The following CLCN7 variants were observed in gnomAD, a reference collection of about 807,000 sequenced individuals.
The protein encoded by CLCN7 is Cl-/H+ antiporter 7.
In CLCN7, 60 loss-of-function variants were observed where a neutral mutation model predicts 102.1. That is an observed-to-expected ratio of 0.59 (90% CI 0.48 to 0.73). The LOEUF (loss-of-function observed/expected upper bound fraction) is 0.73. Among genes scored for constraint, CLCN7 ranks in the 30% least tolerant of loss-of-function variants. CLCN7 has a pLI of 0.00. For missense variants in CLCN7, 962 were observed against 1,125.7 expected, an observed-to-expected ratio of 0.85 and a Z score of 2.08; for synonymous variants, 560 against 490.5, an observed-to-expected ratio of 1.14 and a Z score of -1.87.
At chr16:1,456,232 G>C in intron 9 of CLCN7, 26 bp from the exon 10 acceptor site, 2 of 1,543,058 alleles carry the variant, frequency 1.3e-6, no homozygotes, top group Non-Finnish European at 1.8e-6. Flanking sequence ...ACCAGGGTCG[G>C]GGCAGGTTCC....
Position 1,460,944 on chromosome 16 carries a change from A to G in CLCN7, c.356T>C (p.Phe119Ser), listed in dbSNP as rs2038926642. 6.2e-7 allele frequency: 1 copy of G among 1,613,380 alleles called. No individual in the cohort carries two copies. Among genetic ancestry groups the G allele is most frequent in the Non-Finnish European group, 8.5e-7 (1 of 1,179,904 alleles). The change falls in exon 5 of 25, where the codon TTC becomes TCC. Residue 119 changes from phenylalanine (F) to serine (S), a missense_variant. Around this residue, in one of 2 missense-constraint regions of CLCN7, gnomAD observed 799 missense variants for 988.0 expected, o/e 0.81. Coordinates refer to ENST00000382745, the MANE Select transcript of CLCN7 (RefSeq NM_001287.6). The part of the protein sequence containing the change: ...EEERRINHTA[F>S]RTVEIKRWVI... ...CCAGCGCTTGATCTCCACCGTCCGGAAGGCCTGCAGGGCGCGGTCAGGGCG... is the reference window on the plus strand; with the variant it reads ...CCAGCGCTTGATCTCCACCGTCCGGGAGGCCTGCAGGGCGCGGTCAGGGCG...
rs112055095 is a variant in CLCN7, at chr16:1,474,994, C to A, written c.-20G>T. 6.9e-7 allele frequency: 1 copy of A among 1,451,856 alleles called. No homozygotes were observed. Among genetic ancestry groups the A allele is most frequent in the Non-Finnish European group, 9.1e-7 (1 of 1,101,526 alleles). 89.9% of individuals were successfully genotyped at this position (1,451,856 alleles called of 1,614,324 possible). On this transcript the variant is annotated 5_prime_UTR_variant, in exon 1 of 25. Transcript: ENST00000382745. ...GGCCATGGCCCGCCGCGGAGCGACA[C>A]CGGCCGGGAAGCGCCGGCTGCCCCC...
chr16:1,455,799 G>A lies in CLCN7; in HGVS notation c.917-4C>T. The A allele has an allele frequency of 6.2e-7, 1 of 1,613,266 alleles. No individual in the cohort carries two copies. The highest frequency in any genetic ancestry group is 8.5e-7 in the Non-Finnish European group (1 of 1,179,984). ...TCCAAGCTGAACAGGACCCCACCTG[G>A]AAGGCAGGCGGCCGGCTCGGGTGCC... On this transcript the variant is annotated splice_region_variant and splice_polypyrimidine_tract_variant and intron_variant, in intron 10 of 24. Coordinates refer to ENST00000382745, the MANE Select transcript of CLCN7 (RefSeq NM_001287.6).
At chr16:1,464,731 C>T (rs2038981638) in intron 2 of CLCN7, among the ~76,000 whole-genome samples, 1 of 152,232 alleles carries the variant, frequency 6.6e-6, no homozygotes, top group Non-Finnish European at 1.5e-5. Flanking sequence ...CCCGCACAGA[C>T]ATCTACCCAG....
chr16:1,451,719 G>A lies in CLCN7; in HGVS notation c.1354-3C>T, dbSNP rs1442943460. 19 of 1,611,872 alleles carry A rather than the reference G, an allele frequency of 1.2e-5. No homozygotes were observed. The highest frequency in any genetic ancestry group is 1.5e-5 in the Non-Finnish European group (18 of 1,179,518). On this transcript the variant is annotated splice_polypyrimidine_tract_variant and splice_region_variant and intron_variant, in intron 15 of 24. Transcript: ENST00000382745. ...TACTCGCCATCTGCACAAAAGAGCTGTGGGGTCGGGAGAGAGCACACGTTG... is the reference window on the plus strand; with the variant it reads ...TACTCGCCATCTGCACAAAAGAGCTATGGGGTCGGGAGAGAGCACACGTTG...
intron 21 of CLCN7, 49 bp downstream of exon 21, chr16:1,448,306 C>A: frequency 6.2e-7 from 1 of 1,606,818 alleles, no homozygotes; most frequent in Non-Finnish European, 8.5e-7. Flanking sequence ...CACCAATGGA[C>A]TCGACAGAGG....
At chr16:1,469,473 G>A (rs922804898) in intron 1 of CLCN7, among the ~76,000 whole-genome samples, 13 of 151,892 alleles carry the variant, frequency 8.6e-5, no homozygotes, top group Admixed American at 4.6e-4. Flanking sequence ...ATCACTTGAG[G>A]TCAGGAGTTC....
In CLCN7 at chr16:1,447,208, C is replaced by T. The variant is rs371465204; in HGVS notation, c.2251-122G>A. On this transcript the variant is annotated intron_variant, in intron 23 of 24. Transcript: ENST00000382745. ...CAGGCACGTCCTGAGCCCCCACGCC[C>T]GTCTGGCCAGCCCCCTCAGCCCCTT... 221 of 1,188,082 alleles carry T rather than the reference C, an allele frequency of 1.9e-4. No individual in the cohort carries two copies. The East Asian group carries it at 2.7e-3, about 15-fold the overall frequency. 73.6% of individuals were successfully genotyped at this position (1,188,082 alleles called of 1,614,324 possible).
At chr16:1,474,643 G>T (rs962747001) in intron 1 of CLCN7, among the ~76,000 whole-genome samples, 191 bp downstream of exon 1, 5 of 151,834 alleles carry the variant, frequency 3.3e-5, no homozygotes, top group South Asian at 2.1e-4. Context: ...CGCGGCCTCC[G>T]AAGACTCCAG....
intron 13 of CLCN7, 105 bp downstream of exon 13, chr16:1,454,306 G>A: frequency 4.1e-6 from 5 of 1,227,372 alleles, no homozygotes; most frequent in Non-Finnish European, 6.0e-6. Flanking sequence ...CCTGGGATGA[G>A]GGCAGGCTCC....
chr16:1,457,176 G>T lies in CLCN7; in HGVS notation c.822+78C>A. 7.5e-7 allele frequency: 1 copy of T among 1,338,768 alleles called. No individual in the cohort carries two copies. The highest frequency in any genetic ancestry group is 1.1e-6 in the Non-Finnish European group (1 of 930,306). The allele number at this position is 1,338,768 out of a possible 1,614,324, so 82.9% of individuals were successfully genotyped here. A position where few individuals can be genotyped will look rare whatever the true frequency, so the allele number is the denominator to read the frequency against. Reference sequence around the variant, plus strand: ...GGGCTCTCGGCCTGGGGGTGCTGAGGGAAGCCCATCTCCCTGAGTGGTGCC... The same window carrying T: ...GGGCTCTCGGCCTGGGGGTGCTGAGTGAAGCCCATCTCCCTGAGTGGTGCC... On this transcript the variant is annotated intron_variant, in intron 9 of 24. Coordinates refer to ENST00000382745, the MANE Select transcript of CLCN7 (RefSeq NM_001287.6). This position sits in a 1 kb window ranked among gnomAD's most constrained non-coding sequence, Gnocchi z 5.4.
Position 1,457,845 on chromosome 16 carries a change from C to T in CLCN7, c.676-89G>A. The T allele has an allele frequency of 3.0e-6, 4 of 1,329,514 alleles. No homozygotes were observed. The highest frequency in any genetic ancestry group is 4.3e-6 in the Non-Finnish European group (4 of 929,494). The allele number at this position is 1,329,514 out of a possible 1,614,324, so 82.4% of individuals were successfully genotyped here. The stretch of plus-strand genomic sequence containing the variant: ...GTAAAACAGCACACACAGCCCCGAT[C>T]AGGCAGAGTGGCTGGGACACGGGGC... On this transcript the variant is annotated intron_variant, in intron 7 of 24. Transcript: ENST00000382745. This position sits in a 1 kb window ranked among gnomAD's most constrained non-coding sequence, Gnocchi z 5.4.
chr16:1,474,784 C>T, intron 1 of CLCN7, 50 bp downstream of exon 1: 1 of 1,235,278 alleles, frequency 8.1e-7, no homozygotes, highest in Non-Finnish European at 1.0e-6. Context: ...GCGCGGGCTG[C>T]GGGGCGCACG....
At chr16:1,464,535 A>C (rs1304377101) in intron 2 of CLCN7, among the ~76,000 whole-genome samples, 1 of 152,256 alleles carries the variant, frequency 6.6e-6, no homozygotes, top group East Asian at 1.9e-4. Flanking sequence ...GCATCTGAGC[A>C]CGGCGCCGGC....
rs367726331 is a variant in CLCN7 at position 1,453,899 on chromosome 16, G to C, written c.1154-5C>G. Reference sequence around the variant, plus strand: ...ACACTGCTCCAAGCACACCGCCTGCGAACAGGGGAAAGGCCAGTCAGCGAC... The same window carrying C: ...ACACTGCTCCAAGCACACCGCCTGCCAACAGGGGAAAGGCCAGTCAGCGAC... On this transcript the variant is annotated splice_region_variant and splice_polypyrimidine_tract_variant and intron_variant, in intron 13 of 24. Transcript: ENST00000382745. 1 of 1,612,928 alleles carries C rather than the reference G, an allele frequency of 6.2e-7. No individual in the cohort carries two copies.
At chr16:1,453,983 G>A (rs2038794780) in intron 13 of CLCN7, 89 bp from the exon 14 acceptor site, 3 of 1,364,890 alleles carry the variant, frequency 2.2e-6, no homozygotes, top group African/African-American at 1.4e-5. Context: ...AGAAGCTGGA[G>A]GGTTTGCAGA....
chr16:1,446,190 A>C lies in CLCN7; in HGVS notation c.*441T>G. ...GAGGCCAAGCAGCTCCCAAGTCTCG[A>C]AGACTCCACTGGTGTGGAGGCAGAG... On this transcript the variant is annotated 3_prime_UTR_variant, in exon 25 of 25. Transcript: ENST00000382745. 1.6e-6 allele frequency: 1 copy of C among 610,238 alleles called. No individual in the cohort carries two copies. Among genetic ancestry groups the C allele is most frequent in the Non-Finnish European group, 2.9e-6 (1 of 344,266 alleles). The allele number at this position is 610,238 out of a possible 1,614,324, so 37.8% of individuals were successfully genotyped here.
At chr16:1,451,546 C>T in intron 16 of CLCN7, 77 bp downstream of exon 16, 1 of 1,299,492 alleles carries the variant, frequency 7.7e-7, no homozygotes, top group South Asian at 1.2e-5. Flanking sequence ...AACCTCAGCC[C>T]ACAGGGGACA....
rs766435458 is a variant in CLCN7 at position 1,457,748 on chromosome 16, C to T, written c.684G>A (p.Val228=). 1.9e-6 allele frequency: 3 copies of T among 1,613,758 alleles called. No individual in the cohort carries two copies. Among genetic ancestry groups the T allele is most frequent in the Non-Finnish European group, 1.7e-6 (2 of 1,179,994 alleles). Residue 228 remains valine (V), a synonymous_variant, in exon 8 of 25, where the codon GTG becomes GTA. Transcript: ENST00000382745. This position sits in a 1 kb window ranked among gnomAD's most constrained non-coding sequence, Gnocchi z 5.4. ...ACAGGATCACACCGGACACTTTGAT[C>T]ACCAACGTCTGAAACACAGGGAGAC... ...IPHVVRLKTL[V]IKVSGVILSV...
Sources: gnomAD v4.1 joint callset for allele counts (sites outside exome capture counted in the v4.1 genomes callset) on GRCh38, gnomAD v4.1.1 for gene constraint, gnomAD v4.1.1 regional missense constraint, Gnocchi (gnomAD v3.1) non-coding constraint, MANE v1.5 for transcripts, NCBI Gene and HGNC (gene_info 2026-07-23, HGNC 2026-07-21) for gene names.